The following RALGPS1 variants were observed in gnomAD, a reference collection of about 807,000 sequenced individuals.
RALGPS1 encodes the protein Ral GEF with PH domain and SH3 binding motif 1, also known as ras-specific guanine nucleotide-releasing factor RalGPS1.
RALGPS1 carries 19 observed loss-of-function variants against 78.8 expected under a neutral mutation model. That is an observed-to-expected ratio of 0.24 (90% CI 0.17 to 0.35). The LOEUF is 0.35. Among genes scored for constraint, RALGPS1 ranks in the 10% least tolerant of loss-of-function variants. The pLI is 1.00. For synonymous variants in RALGPS1, 228 were observed against 256.3 expected, an observed-to-expected ratio of 0.89 and a Z score of 1.06; for missense variants, 454 against 688.3, an observed-to-expected ratio of 0.66 and a Z score of 3.81.
chr9:127,017,663 A>G (rs1343902433), intron 4 of RALGPS1, among the ~76,000 whole-genome samples: 1 of 152,216 alleles, frequency 6.6e-6, no homozygotes, highest in African/African-American at 2.4e-5. Flanking sequence ...AATAACACTT[A>G]GCTTAAAACA....
chr9:126,976,639 A>G (rs542665268), intron 3 of RALGPS1, among the ~76,000 whole-genome samples: 84 of 152,284 alleles, frequency 5.5e-4, no homozygotes, highest in African/African-American at 2.0e-3. Context: ...GTGTCCAGAC[A>G]CACACCCAAG....
At chr9:127,104,885 A>T (rs1410610899) in intron 8 of RALGPS1, among the ~76,000 whole-genome samples, 1 of 152,244 alleles carries the variant, frequency 6.6e-6, no homozygotes, top group African/African-American at 2.4e-5. Flanking sequence ...CTGTTGGGTA[A>T]GAGCACAGAA....
At chr9:127,102,062 C>T (rs995194884) in intron 8 of RALGPS1, among the ~76,000 whole-genome samples, 10 of 151,988 alleles carry the variant, frequency 6.6e-5, no homozygotes, top group Non-Finnish European at 8.8e-5. Flanking sequence ...AGTGGTGATG[C>T]GGGGATAGTA....
intron 4 of RALGPS1, among the ~76,000 whole-genome samples, chr9:126,990,378 T>C (rs188977574): frequency 1.3e-5 from 2 of 152,346 alleles, no homozygotes; most frequent in East Asian, 3.9e-4. Flanking sequence ...GAGACATCTT[T>C]CTAAAGCCAA....
intron 8 of RALGPS1, chr9:127,093,989 G>T (rs1334392332): frequency 6.4e-6 from 10 of 1,553,408 alleles, no homozygotes; most frequent in Non-Finnish European, 8.8e-6. Context: ...ACCCCCAGCT[G>T]CACCCCAAGC....
At chr9:127,131,957 C>T (rs60516643) in intron 8 of RALGPS1, among the ~76,000 whole-genome samples, 56,997 of 151,912 alleles carry the variant, frequency 0.38, 12,613 homozygotes, top group Non-Finnish European at 0.48. Flanking sequence ...ATCTGGGGCC[C>T]GGGAATTTGC....
At position 127,046,041 on chromosome 9, in the gene RALGPS1, A is replaced by C. The variant is rs146448511; in HGVS notation, c.301-4002A>C. On this transcript the variant is annotated intron_variant, in intron 5 of 18. Transcript: ENST00000259351. Reference sequence around the variant, plus strand: ...TCAAACTAACAAACCAAAACAATACAGGGGTTGTGTCAAAGGGATGCAGGA... The same window carrying C: ...TCAAACTAACAAACCAAAACAATACCGGGGTTGTGTCAAAGGGATGCAGGA... 3.0e-3 allele frequency among the ~76,000 whole-genome samples: 462 copies of C among 152,356 alleles called. 1 individual carries two copies. The highest frequency in any genetic ancestry group is 4.3e-3 in the Non-Finnish European group (295 of 68,024).
At chr9:127,216,852 T>C in intron 18 of RALGPS1, 1 of 1,441,790 alleles carries the variant, frequency 6.9e-7, no homozygotes, top group Non-Finnish European at 9.2e-7. Context: ...TCAGTAGCTC[T>C]GAGGGCCGCT....
intron 4 of RALGPS1, among the ~76,000 whole-genome samples, chr9:127,028,779 G>A (rs1564445089): frequency 6.6e-6 from 1 of 152,196 alleles, no homozygotes; most frequent in Non-Finnish European, 1.5e-5. Flanking sequence ...TTACAGAGGA[G>A]GTGCTATTAT....
chr9:127,113,747 G>GAC (rs2055105760), intron 8 of RALGPS1, among the ~76,000 whole-genome samples: 1 of 152,228 alleles, frequency 6.6e-6, no homozygotes, highest in South Asian at 2.1e-4. Flanking sequence ...TGTGCCACGT[G>GAC]ACAGCCTTTG....
At chr9:127,196,731 A>G (rs1329716802) in intron 13 of RALGPS1, 100 bp downstream of exon 13, 3 of 1,383,282 alleles carry the variant, frequency 2.2e-6, no homozygotes, top group East Asian at 2.4e-5. Context: ...CAGTGGCGCT[A>G]TCATTCTTGG....
intron 4 of RALGPS1, among the ~76,000 whole-genome samples, chr9:126,994,297 A>G (rs886873384): frequency 6.6e-6 from 1 of 152,156 alleles, no homozygotes; most frequent in African/African-American, 2.4e-5. Flanking sequence ...AATTAGTTGA[A>G]TGGATAACTA....
At chr9:127,099,067 G>C (rs1044072250) in intron 8 of RALGPS1, among the ~76,000 whole-genome samples, 1 of 152,218 alleles carries the variant, frequency 6.6e-6, no homozygotes, top group African/African-American at 2.4e-5. Context: ...TGCCTGAGGT[G>C]TGGGGGGAGG....
chr9:127,102,407 A>G (rs990880216), intron 8 of RALGPS1, among the ~76,000 whole-genome samples: 2 of 152,106 alleles, frequency 1.3e-5, no homozygotes, highest in African/African-American at 4.8e-5. Flanking sequence ...CACCACAACA[A>G]TCCATTTGTA....
intron 8 of RALGPS1, among the ~76,000 whole-genome samples, chr9:127,155,834 C>T (rs966945036): frequency 6.6e-5 from 10 of 151,790 alleles, no homozygotes; most frequent in African/African-American, 1.9e-4. Flanking sequence ...ACATATTGCT[C>T]TCCTTCTCCC....
intron 8 of RALGPS1, among the ~76,000 whole-genome samples, chr9:127,101,194 G>A (rs2053688360): frequency 6.6e-6 from 1 of 152,214 alleles, no homozygotes; most frequent in African/African-American, 2.4e-5. Context: ...TGATGATCAT[G>A]TATCTAGAGC....
intron 5 of RALGPS1, among the ~76,000 whole-genome samples, chr9:127,040,556 G>A (rs1490345928): frequency 1.3e-5 from 2 of 152,166 alleles, no homozygotes; most frequent in Non-Finnish European, 2.9e-5. Flanking sequence ...GGACTAGAAT[G>A]TTTAAAGATT....
chr9:127,191,689 G>GTTTTTTTTT (rs2061045027), intron 11 of RALGPS1, among the ~76,000 whole-genome samples: 1 of 143,504 alleles, frequency 7.0e-6, no homozygotes, highest in Admixed American at 7.3e-5. Flanking sequence ...TTGTTTTTTG[G>GTTTTTTTTT]GTTTTTTTTT....
At chr9:127,112,536 T>C (rs1340698892) in intron 8 of RALGPS1, among the ~76,000 whole-genome samples, 1 of 152,212 alleles carries the variant, frequency 6.6e-6, no homozygotes, top group Non-Finnish European at 1.5e-5. Flanking sequence ...ACCTCCAGAT[T>C]TGATTTGCAC....
Sources: allele counts gnomAD v4.1 joint callset (sites outside exome capture counted in the v4.1 genomes callset), GRCh38; gene constraint gnomAD v4.1.1; transcripts MANE v1.5; gene names NCBI Gene and HGNC (gene_info 2026-07-23, HGNC 2026-07-21).